Variants in GDPD1 observed in about 807,000 individuals in gnomAD.
GDPD1 encodes lysophospholipase D GDPD1.
In GDPD1, 28 loss-of-function variants were observed where a neutral mutation model predicts 45.1. The observed-to-expected ratio is 0.62, with a 90% CI of 0.46 to 0.85. GDPD1 has a LOEUF of 0.85. Among genes scored for constraint, GDPD1 ranks in the 40% least tolerant of loss-of-function variants. GDPD1 has a pLI of 0.00. For missense variants in GDPD1, 256 were observed against 364.8 expected (o/e 0.70, Z 2.43); for synonymous variants, 139 against 131.4 (o/e 1.06, Z -0.40).
chr17:59,222,751 G>A (rs1337896254), intron 1 of GDPD1, among the ~76,000 whole-genome samples: 1 of 151,962 alleles, frequency 6.6e-6, no homozygotes, highest in Non-Finnish European at 1.5e-5. Context: ...CTGACCTCAG[G>A]TGATCCACCC....
At chr17:59,233,951 G>A (rs925883660) in intron 1 of GDPD1, among the ~76,000 whole-genome samples, 1 of 152,056 alleles carries the variant, frequency 6.6e-6, no homozygotes. Context: ...TTTATGTTTA[G>A]GCTTGGGTTC....
intron 6 of GDPD1, 47 bp downstream of exon 6, chr17:59,257,887 T>G: frequency 8.1e-7 from 1 of 1,238,358 alleles, no homozygotes; most frequent in Non-Finnish European, 1.2e-6. Context: ...GTTGTTGTTT[T>G]GTATCTACAA....
At chr17:59,225,248 G>A (rs572087781) in intron 1 of GDPD1, among the ~76,000 whole-genome samples, 114 of 151,478 alleles carry the variant, frequency 7.5e-4, no homozygotes, top group African/African-American at 2.6e-3. Flanking sequence ...GTGCCACCAC[G>A]CCCAGCTAAT....
At chr17:59,239,760 TA>T (rs1475628538) in intron 2 of GDPD1, among the ~76,000 whole-genome samples, 1 of 122,024 alleles carries the variant, frequency 8.2e-6, no homozygotes, top group Non-Finnish European at 1.7e-5. Flanking sequence ...GTAATATGTA[TA>T]GTTTTTTTTT....
At chr17:59,261,627 C>T (rs923741345) in intron 6 of GDPD1, among the ~76,000 whole-genome samples, 1 of 151,796 alleles carries the variant, frequency 6.6e-6, no homozygotes, top group Non-Finnish European at 1.5e-5. Context: ...TCCTGTGTAG[C>T]TTGGACTACA....
intron 9 of GDPD1, chr17:59,273,070 A>G (rs2047455812): frequency 6.9e-6 from 4 of 576,372 alleles, no homozygotes. Context: ...GGGGTGGGAC[A>G]GTGTTTGTGT....
chr17:59,220,563 G>T lies in GDPD1; in HGVS notation c.-47G>T. 2 of 1,590,728 alleles carry T rather than the reference G, an allele frequency of 1.3e-6. No individual in the cohort carries two copies. Among genetic ancestry groups the T allele is most frequent in the Non-Finnish European group, 1.7e-6 (2 of 1,167,356 alleles). On this transcript the variant is annotated 5_prime_UTR_variant, in exon 1 of 10. Coordinates refer to ENST00000284116, the MANE Select transcript of GDPD1 (RefSeq NM_182569.4). ...CGCCGTCGTTGCTACTGCCGCAGCG[G>T]AGTTCAGAGGGCCCGGAGGTGGGAG... is the stretch of plus-strand genomic sequence containing the variant.
At chr17:59,261,935 T>TTTTTTTTTTTTTTTTTTTTTTTG (rs2047359294) in intron 6 of GDPD1, among the ~76,000 whole-genome samples, 1 of 141,124 alleles carries the variant, frequency 7.1e-6, no homozygotes, top group Admixed American at 7.1e-5. Context: ...TTTTTTTTTT[T>TTTTTTTTTTTTTTTTTTTTTTTG]GAGACGGAGT....
chr17:59,253,307 G>A (rs1423940739), intron 4 of GDPD1, among the ~76,000 whole-genome samples: 5 of 152,058 alleles, frequency 3.3e-5, no homozygotes, highest in Non-Finnish European at 7.4e-5. Context: ...AAATACTGGG[G>A]CAAACTTCTC....
chr17:59,234,366 A>C, intron 1 of GDPD1, 126 bp from the exon 2 acceptor site: 1 of 635,424 alleles, frequency 1.6e-6, no homozygotes, highest in South Asian at 2.0e-5. Flanking sequence ...AACCCAAAAA[A>C]ACACTTGTAA....
At chr17:59,265,534 A>AAT (rs1204165855) in intron 6 of GDPD1, among the ~76,000 whole-genome samples, 14 of 148,820 alleles carry the variant, frequency 9.4e-5, no homozygotes, top group East Asian at 8.1e-4. Context: ...GACCCTGTCT[A>AAT]ATATATATAT....
At chr17:59,228,343 G>C (rs1193186782) in intron 1 of GDPD1, among the ~76,000 whole-genome samples, 1 of 152,042 alleles carries the variant, frequency 6.6e-6, no homozygotes, top group Admixed American at 6.6e-5. Context: ...TTAACCACTA[G>C]ACTATACTGC....
At chr17:59,273,075 T>TG in intron 9 of GDPD1, 1 of 521,096 alleles carries the variant, frequency 1.9e-6, no homozygotes, top group Non-Finnish European at 3.1e-6. Context: ...GGGACAGTGT[T>TG]TGTGTGTGTG....
At chr17:59,222,935 A>G (rs1447943523) in intron 1 of GDPD1, among the ~76,000 whole-genome samples, 3 of 152,166 alleles carry the variant, frequency 2.0e-5, no homozygotes, top group African/African-American at 7.2e-5. Flanking sequence ...ACAAAACAAA[A>G]CCAGATCCTC....
At chr17:59,234,401 AGGTCAAG>A in intron 1 of GDPD1, 84 bp from the exon 2 acceptor site, 2 of 711,338 alleles carry the variant, frequency 2.8e-6, no homozygotes, top group Non-Finnish European at 4.8e-6. Context: ...AAAAAAAAAA[AGGTCAAG>A]ATTCATTAGG....
In GDPD1 at chr17:59,275,675, C is replaced by G. The variant is rs549966898; in HGVS notation, c.*1902C>G. 3.2e-4 allele frequency among the ~76,000 whole-genome samples: 48 copies of G among 152,192 alleles called. No homozygotes were observed. The highest frequency in any genetic ancestry group is 4.9e-4 in the Non-Finnish European group (33 of 67,996). On this transcript the variant is annotated 3_prime_UTR_variant, in exon 10 of 10. Coordinates refer to ENST00000284116, the MANE Select transcript of GDPD1 (RefSeq NM_182569.4). ...TTCCTGATCTTTAAAACTCATTAAT[C>G]TGAGTATTAAGTAGAAACAGAATTT...
At chr17:59,264,322 G>A (rs958507201) in intron 6 of GDPD1, among the ~76,000 whole-genome samples, 1 of 150,754 alleles carries the variant, frequency 6.6e-6, no homozygotes, top group African/African-American at 2.4e-5. Context: ...TTGAGACAGA[G>A]TCTCACTCTT....
At chr17:59,223,188 A>G (rs2047019519) in intron 1 of GDPD1, among the ~76,000 whole-genome samples, 1 of 152,222 alleles carries the variant, frequency 6.6e-6, no homozygotes, top group Admixed American at 6.6e-5. Flanking sequence ...GGTCATTTCA[A>G]TATTACCTCT....
chr17:59,239,520 T>A (rs9902780), intron 2 of GDPD1, among the ~76,000 whole-genome samples: 93 of 152,192 alleles, frequency 6.1e-4, no homozygotes, highest in African/African-American at 2.0e-3. Context: ...GATAAAAAAA[T>A]TTTTCTCACT....
Sources: allele counts gnomAD v4.1 joint callset (sites outside exome capture counted in the v4.1 genomes callset), GRCh38; gene constraint gnomAD v4.1.1; transcripts MANE v1.5; gene names NCBI Gene and HGNC (gene_info 2026-07-23, HGNC 2026-07-21).